Variants in MTMR7 observed in about 807,000 individuals in gnomAD.
MTMR7 encodes the protein myotubularin related protein 7, also known as phosphatidylinositol-3-phosphate phosphatase MTMR7.
A neutral mutation model predicts 81.2 loss-of-function variants in MTMR7; 76 were observed. The observed-to-expected ratio is 0.94, with a 90% CI of 0.78 to 1.13. The LOEUF is 1.13. MTMR7 is among the 50% of genes most tolerant of loss of function. MTMR7 has a pLI of 0.00. For synonymous variants in MTMR7, 372 were observed against 289.8 expected (o/e 1.28, Z -2.88); for missense variants, 1,044 against 820.0 (o/e 1.27, Z -3.34).
At chr8:17,361,313 T>C (rs1444520950) in intron 3 of MTMR7, 39 bp from the exon 4 acceptor site, 1 of 1,611,374 alleles carries the variant, frequency 6.2e-7, no homozygotes, top group African/African-American at 1.3e-5. Context: ...TCAAGCTTAG[T>C]CAAAACCAGA....
At chr8:17,310,745 G>A (rs1817737405) in intron 9 of MTMR7, among the ~76,000 whole-genome samples, 1 of 152,168 alleles carries the variant, frequency 6.6e-6, no homozygotes, top group Non-Finnish European at 1.5e-5. Flanking sequence ...ACTCAATAAT[G>A]GAGACCCAGC....
intron 1 of MTMR7, among the ~76,000 whole-genome samples, chr8:17,405,192 A>C (rs1821541264): frequency 6.6e-6 from 1 of 152,234 alleles, no homozygotes; most frequent in African/African-American, 2.4e-5. Flanking sequence ...AGATAAATTA[A>C]ATATCAAATA....
intron 6 of MTMR7, chr8:17,338,590 G>C (rs890934953): frequency 6.6e-6 from 1 of 152,186 alleles, no homozygotes; most frequent in East Asian, 1.9e-4. Flanking sequence ...AGGGTACGAA[G>C]AAGAGGTGGG....
At chr8:17,322,950 CTTT>C (rs58584179) in intron 7 of MTMR7, among the ~76,000 whole-genome samples, 4 of 125,758 alleles carry the variant, frequency 3.2e-5, no homozygotes, top group African/African-American at 3.1e-5. Context: ...ATTGAATTAT[CTTT>C]TTTTTTTTTT....
At chr8:17,367,391 C>G (rs1035636069) in intron 3 of MTMR7, among the ~76,000 whole-genome samples, 1 of 152,160 alleles carries the variant, frequency 6.6e-6, no homozygotes, top group East Asian at 1.9e-4. Flanking sequence ...ATGGGAAAAG[C>G]TGAAGGCCTC....
intron 7 of MTMR7, among the ~76,000 whole-genome samples, chr8:17,315,574 G>GC (rs371809748): frequency 1.5e-3 from 227 of 152,286 alleles, no homozygotes; most frequent in African/African-American, 4.8e-3. Flanking sequence ...GGCAGGGCTA[G>GC]CTGGGACTCT....
At chr8:17,349,884 A>C (rs932265623) in intron 4 of MTMR7, among the ~76,000 whole-genome samples, 2 of 152,138 alleles carry the variant, frequency 1.3e-5, no homozygotes, top group Non-Finnish European at 2.9e-5. Context: ...CTGACTGAGC[A>C]ACTTCATGAC....
Position 17,404,809 on chromosome 8 carries a change from G to C in MTMR7, c.24+8460C>G, listed in dbSNP as rs7820449. On this transcript the variant is annotated intron_variant, in intron 1 of 13. Transcript: ENST00000180173. Reference sequence around the variant, plus strand: ...GGTTTTTTTGTTGGTGGTTGGTTTTGTTTTGTTGTTGTTTTGTTTTTGTTT... The same window carrying C: ...GGTTTTTTTGTTGGTGGTTGGTTTTCTTTTGTTGTTGTTTTGTTTTTGTTT... Among the ~76,000 whole-genome samples, 696 of 151,878 alleles carry C rather than the reference G, an allele frequency of 4.6e-3. 9 individuals carry two copies. The highest frequency in any genetic ancestry group is 0.016 in the African/African-American group (660 of 41,542).
At chr8:17,317,523 T>A (rs1348591946) in intron 7 of MTMR7, among the ~76,000 whole-genome samples, 2 of 152,194 alleles carry the variant, frequency 1.3e-5, no homozygotes, top group Non-Finnish European at 2.9e-5. Context: ...TGCCTGGTAC[T>A]CCTGATCCCA....
chr8:17,332,279 A>G (rs1222044178), intron 6 of MTMR7, among the ~76,000 whole-genome samples: 4 of 152,226 alleles, frequency 2.6e-5, no homozygotes, highest in Admixed American at 2.6e-4. Context: ...AAAAGCTAAA[A>G]GAGCTAAGTT....
chr8:17,315,052 G>A (rs993540785), intron 7 of MTMR7, among the ~76,000 whole-genome samples: 17 of 152,196 alleles, frequency 1.1e-4, no homozygotes, highest in African/African-American at 1.4e-4. Context: ...GTAGTCAGCC[G>A]TGGGCTGAGA....
At chr8:17,315,503 T>C (rs1034914338) in intron 7 of MTMR7, among the ~76,000 whole-genome samples, 14 of 152,158 alleles carry the variant, frequency 9.2e-5, no homozygotes, top group Admixed American at 2.0e-4. Flanking sequence ...GGTGCACTGA[T>C]CACAACAATG....
At position 17,311,497 on chromosome 8, in the gene MTMR7, G is replaced by C. The variant is rs1563322097; in HGVS notation, c.1101+14C>G. 6.2e-7 allele frequency: 1 copy of C among 1,614,038 alleles called. No individual in the cohort carries two copies. Among genetic ancestry groups the C allele is most frequent in the East Asian group, 2.2e-5 (1 of 44,878 alleles). ...AGGCACCGCCTGTGGGAATCGCCCA[G>C]TGGCCACACTCACCATGAAGCCCTT... On this transcript the variant is annotated intron_variant, in intron 9 of 13. Coordinates refer to ENST00000180173, the MANE Select transcript of MTMR7 (RefSeq NM_004686.5).
chr8:17,302,805 C>A (rs1371669675), intron 12 of MTMR7, among the ~76,000 whole-genome samples: 1 of 149,390 alleles, frequency 6.7e-6, no homozygotes, highest in Admixed American at 6.7e-5. Flanking sequence ...CTCCACCTCC[C>A]GGGTTCAAGC....
chr8:17,396,599 AC>A (rs1304776079), intron 1 of MTMR7, among the ~76,000 whole-genome samples: 2 of 152,112 alleles, frequency 1.3e-5, no homozygotes, highest in East Asian at 3.9e-4. Flanking sequence ...AAGCCTCACT[AC>A]TGCAGGCTAA....
At chr8:17,369,521 A>C (rs1380289773) in intron 3 of MTMR7, among the ~76,000 whole-genome samples, 1 of 152,200 alleles carries the variant, frequency 6.6e-6, no homozygotes, top group Non-Finnish European at 1.5e-5. Context: ...AGTAATTATC[A>C]GCACATATCT....
At chr8:17,398,896 G>C (rs1821338563) in intron 1 of MTMR7, among the ~76,000 whole-genome samples, 2 of 152,034 alleles carry the variant, frequency 1.3e-5, no homozygotes, top group South Asian at 4.1e-4. Flanking sequence ...TCAGAGCTAG[G>C]GCATCATCAA....
At chr8:17,402,812 G>A (rs544041169) in intron 1 of MTMR7, among the ~76,000 whole-genome samples, 16 of 152,216 alleles carry the variant, frequency 1.1e-4, no homozygotes, top group South Asian at 8.3e-4. Flanking sequence ...GTTTTTTGAG[G>A]AACCTCCAAA....
At chr8:17,346,064 G>C (rs1385787290) in intron 5 of MTMR7, 3 of 152,136 alleles carry the variant, frequency 2.0e-5, no homozygotes, top group African/African-American at 7.2e-5. Context: ...CCATCGATGA[G>C]CAATGACAGC....
Sources: allele counts gnomAD v4.1 joint callset (sites outside exome capture counted in the v4.1 genomes callset), GRCh38; gene constraint gnomAD v4.1.1; transcripts MANE v1.5; gene names NCBI Gene and HGNC (gene_info 2026-07-23, HGNC 2026-07-21).